DENND2B: variants seen among roughly 807,000 people sequenced by gnomAD.
DENND2B encodes the protein DENN domain-containing protein 2B.
A neutral mutation model predicts 116.0 loss-of-function variants in DENND2B; 32 were observed. That is an observed-to-expected ratio of 0.28 (90% CI 0.21 to 0.37). DENND2B has a LOEUF of 0.37. Ranked by LOEUF, DENND2B falls within the 10% of genes least tolerant of loss-of-function variation. DENND2B has a pLI of 1.00. For missense variants in DENND2B, 1,276 were observed against 1,477.7 expected (o/e 0.86, Z 2.24); for synonymous variants, 588 against 583.9 (o/e 1.01, Z -0.10).
intron 1 of DENND2B, among the ~76,000 whole-genome samples, chr11:8,750,995 C>T (rs569645145): frequency 6.6e-6 from 1 of 152,306 alleles, no homozygotes; most frequent in Admixed American, 6.5e-5. Flanking sequence ...ACACACCAAT[C>T]AGCACCCTAT....
At chr11:8,737,914 A>AT (rs35471687) in intron 2 of DENND2B, among the ~76,000 whole-genome samples, 56,019 of 144,894 alleles carry the variant, frequency 0.39, 11,598 homozygotes, top group Non-Finnish European at 0.47. Flanking sequence ...GGTCCAGCTA[A>AT]TTTTTTTTTT....
chr11:8,874,855 G>A (rs1196603620), upstream of DENND2B, among the ~76,000 whole-genome samples: 1 of 152,064 alleles, frequency 6.6e-6, no homozygotes, highest in Non-Finnish European at 1.5e-5. Flanking sequence ...AGCCCAGGAG[G>A]TCCTGGCTCC....
rs976623885 is a variant in DENND2B, at chr11:8,707,203, C to T, written c.2453G>A (p.Arg818Gln). ...FSKVLDEVER[R>Q]RGISAALVYP... Reference sequence around the variant, plus strand: ...GACCAATGCAGCGGAGATCCCACGCCGGCGCTCCACCTCATCTAGGACCTG... The same window carrying T: ...GACCAATGCAGCGGAGATCCCACGCTGGCGCTCCACCTCATCTAGGACCTG... The change falls in exon 13 of 20, where the codon CGG becomes CAG. Residue 818 changes from arginine to glutamine, a missense_variant. Transcript: ENST00000313726. This position sits in a 1 kb window ranked among gnomAD's most constrained non-coding sequence, Gnocchi z 4.8. 9.9e-6 allele frequency: 16 copies of T among 1,612,866 alleles called. No homozygotes were observed. Among genetic ancestry groups the T allele is most frequent in the African/African-American group, 6.7e-5 (5 of 75,040 alleles).
intron 1 of DENND2B, among the ~76,000 whole-genome samples, chr11:8,899,464 T>C (rs1164603178): frequency 1.3e-5 from 2 of 151,984 alleles, no homozygotes; most frequent in Non-Finnish European, 2.9e-5. Context: ...GAAAAGTGGA[T>C]CATCATTTAC....
Position 8,905,547 on chromosome 11 carries a change from A to G in DENND2B, c.-256+5274T>C, listed in dbSNP as rs1454640186. Among the ~76,000 whole-genome samples, 3 of 152,232 alleles carry G rather than the reference A, an allele frequency of 2.0e-5. No individual in the cohort carries two copies. In the East Asian group the frequency reaches 5.8e-4, roughly 29 times the overall value. On this transcript the variant is annotated intron_variant, in intron 1 of 22. Coordinates refer to the DENND2B transcript ENST00000534127. ...CACAATTTATAAAGGAAAAAAATTA[A>G]TAAGTTGGAGTTCATCAAAACTTTA...
rs543102553 is a variant in DENND2B at position 8,902,138 on chromosome 11, C to T, written c.-256+8683G>A. ...GTCAGGAGTTCAAGACCAGCCTGAC[C>T]AACACGGTGAAACCCTGTCTCTATT... On this transcript the variant is annotated intron_variant, in intron 1 of 22. Coordinates refer to the DENND2B transcript ENST00000534127. 2.0e-3 allele frequency among the ~76,000 whole-genome samples: 298 copies of T among 152,064 alleles called. 1 individual carries two copies. The highest frequency in any genetic ancestry group is 6.9e-3 in the African/African-American group (285 of 41,456).
At chr11:8,726,017 C>T (rs2133896743) in intron 4 of DENND2B, 56 bp downstream of exon 4, 2 of 1,611,182 alleles carry the variant, frequency 1.2e-6, no homozygotes, top group Middle Eastern at 3.7e-4. Context: ...TCCTCCTGTT[C>T]CTGTTCTTCT....
chr11:8,759,160 A>T (rs2054130959), intron 1 of DENND2B, among the ~76,000 whole-genome samples: 1 of 152,206 alleles, frequency 6.6e-6, no homozygotes, highest in South Asian at 2.1e-4. Flanking sequence ...CTCTGAAGGG[A>T]GCTCTTTCTG....
upstream of DENND2B, among the ~76,000 whole-genome samples, chr11:8,871,718 A>C (rs1476985341): frequency 6.6e-6 from 1 of 152,216 alleles, no homozygotes; most frequent in Non-Finnish European, 1.5e-5. Flanking sequence ...GGATTCTGAA[A>C]TTTTACTTTA....
chr11:8,762,390 G>A (rs982424102), intron 1 of DENND2B, among the ~76,000 whole-genome samples: 1 of 152,116 alleles, frequency 6.6e-6, no homozygotes, highest in African/African-American at 2.4e-5. Flanking sequence ...CAGCAGTTGG[G>A]CTCCACAGTC....
At chr11:8,718,230 A>G in intron 4 of DENND2B, 2 of 915,326 alleles carry the variant, frequency 2.2e-6, no homozygotes, top group South Asian at 1.4e-5. Context: ...CAGCAACAAG[A>G]GTCTTTCCTT....
intron 2 of DENND2B, among the ~76,000 whole-genome samples, chr11:8,741,412 T>G (rs867677604): frequency 1.1e-4 from 17 of 152,294 alleles, no homozygotes; most frequent in Middle Eastern, 3.4e-3. Flanking sequence ...CCTCTGAGGT[T>G]ACTGATCCCT....
Position 8,714,594 on chromosome 11 carries a change from T to C in DENND2B, c.1942+16A>G. On this transcript the variant is annotated intron_variant, in intron 7 of 19. Coordinates refer to ENST00000313726, the MANE Select transcript of DENND2B (RefSeq NM_213618.2). ...GGGCCCCAAACAGCTGAACCAGCTC[T>C]GGCACCAAAGCCTACCTCTCAGTGA... 1 of 1,610,594 alleles carries C rather than the reference T, an allele frequency of 6.2e-7. No homozygotes were observed. The highest frequency in any genetic ancestry group is 8.5e-7 in the Non-Finnish European group (1 of 1,177,172).
At chr11:8,699,694 G>C (rs539471803) in intron 14 of DENND2B, among the ~76,000 whole-genome samples, 3 of 152,286 alleles carry the variant, frequency 2.0e-5, no homozygotes. Context: ...GCACATCAGT[G>C]GGCCCGTGGC....
intron 1 of DENND2B, among the ~76,000 whole-genome samples, chr11:8,881,796 C>G (rs2063906547): frequency 6.6e-6 from 1 of 152,222 alleles, no homozygotes; most frequent in Non-Finnish European, 1.5e-5. Flanking sequence ...CCACCCACCT[C>G]AGCCTCCCAA....
chr11:8,841,525 C>T (rs897733762), intron 3 of DENND2B, among the ~76,000 whole-genome samples: 1 of 152,112 alleles, frequency 6.6e-6, no homozygotes, highest in African/African-American at 2.4e-5. Flanking sequence ...TGGCACACAC[C>T]TGTATTCCCA....
chr11:8,868,234 A>G (rs2063653384), intron 2 of DENND2B, among the ~76,000 whole-genome samples: 1 of 152,228 alleles, frequency 6.6e-6, no homozygotes, highest in African/African-American at 2.4e-5. Context: ...ACACCCAGAT[A>G]TCCTGGCTAC....
In DENND2B at chr11:8,712,429, G is replaced by T; in HGVS notation, c.2172+122C>A. The T allele has an allele frequency of 8.5e-7, 1 of 1,179,204 alleles. No homozygotes were observed. The highest frequency in any genetic ancestry group is 1.2e-6 in the Non-Finnish European group (1 of 853,740). 73.0% of individuals were successfully genotyped at this position (1,179,204 alleles called of 1,614,324 possible). A position where few individuals can be genotyped will look rare whatever the true frequency, so the allele number is the denominator to read the frequency against. ...CCTGGCTGAGAGGAGGCAGGTTCAGGGCTGTGGCAGCTCGGTGAGGACGTA... is the reference window on the plus strand; with the variant it reads ...CCTGGCTGAGAGGAGGCAGGTTCAGTGCTGTGGCAGCTCGGTGAGGACGTA... On this transcript the variant is annotated intron_variant, in intron 9 of 19. Transcript: ENST00000313726. The surrounding 1 kb of genome is among the most constrained non-coding windows in gnomAD (Gnocchi z 4.4).
intron 1 of DENND2B, among the ~76,000 whole-genome samples, chr11:8,890,132 G>C (rs1202924033): frequency 6.6e-6 from 1 of 152,168 alleles, no homozygotes; most frequent in Non-Finnish European, 1.5e-5. Context: ...AGGCAAACAG[G>C]GTCTGGAGTG....
Sources: gnomAD v4.1 joint callset for allele counts (sites outside exome capture counted in the v4.1 genomes callset) on GRCh38, gnomAD v4.1.1 for gene constraint, Gnocchi (gnomAD v3.1) non-coding constraint, MANE v1.5 for transcripts, NCBI Gene and HGNC (gene_info 2026-07-23, HGNC 2026-07-21) for gene names.